The following COL4A3 variants were observed in gnomAD, a reference collection of about 807,000 sequenced individuals.
COL4A3 encodes collagen alpha-3(IV) chain.
COL4A3 carries 135 observed loss-of-function variants against 217.4 expected under a neutral mutation model. That is an observed-to-expected ratio of 0.62 (90% CI 0.54 to 0.72). The LOEUF (loss-of-function observed/expected upper bound fraction) is 0.72, where lower values mean the gene tolerates loss of function less well. Among genes scored for constraint, COL4A3 ranks in the 30% least tolerant of loss-of-function variants. The pLI is 0.00. For synonymous variants in COL4A3, 690 were observed against 736.3 expected (o/e 0.94, Z 1.02); for missense variants, 1,868 against 2,119.9 (o/e 0.88, Z 2.33).
intron 1 of COL4A3, among the ~76,000 whole-genome samples, chr2:227,195,004 C>G (rs2125713801): frequency 2.0e-5 from 3 of 152,026 alleles, no homozygotes; most frequent in African/African-American, 7.2e-5. Flanking sequence ...CTAAATAAAC[C>G]AATAATCTTG....
At chr2:227,262,406 T>C (rs1205495304) in intron 20 of COL4A3, among the ~76,000 whole-genome samples, 1 of 152,190 alleles carries the variant, frequency 6.6e-6, no homozygotes, top group Non-Finnish European at 1.5e-5. Context: ...TAGGATAGTT[T>C]TTTCTGTTTC....
chr2:227,304,183 T>C (rs542646581), intron 46 of COL4A3, 39 bp downstream of exon 46: 19 of 1,612,556 alleles, frequency 1.2e-5, no homozygotes, highest in South Asian at 9.9e-5. Context: ...CACTAGGAAG[T>C]GGTTGAACCA....
chr2:227,275,696 C>T (rs2071514383), intron 26 of COL4A3, among the ~76,000 whole-genome samples: 1 of 152,010 alleles, frequency 6.6e-6, no homozygotes, highest in African/African-American at 2.4e-5. Flanking sequence ...GCATTCTTTC[C>T]CCCGCGACAG....
chr2:227,247,870 C>A (rs1198364730), intron 8 of COL4A3, among the ~76,000 whole-genome samples: 4 of 152,120 alleles, frequency 2.6e-5, no homozygotes, highest in African/African-American at 9.7e-5. Flanking sequence ...CATTCTAGGG[C>A]AGGGATTGTC....
chr2:227,280,334 A>T, intron 29 of COL4A3, 106 bp from the exon 30 acceptor site: 2 of 1,252,538 alleles, frequency 1.6e-6, no homozygotes, highest in Non-Finnish European at 2.3e-6. Flanking sequence ...AGTTGATGAC[A>T]TGGTAGTGGC....
chr2:227,190,658 C>T lies in COL4A3; in HGVS notation c.87+25845C>T, dbSNP rs536362440. 1.1e-3 allele frequency among the ~76,000 whole-genome samples: 162 copies of T among 152,284 alleles called. 1 individual carries two copies. Among genetic ancestry groups the T allele is most frequent in the African/African-American group, 3.8e-3 (156 of 41,550 alleles). On this transcript the variant is annotated intron_variant, in intron 1 of 51. Coordinates refer to ENST00000396578, the MANE Select transcript of COL4A3 (RefSeq NM_000091.5). ...CTGGGCATCGTGGCTCTAATCCCAG[C>T]ACTTTGGGGAGGCCAAGGCAGGCAG...
chr2:227,270,171 G>A (rs1382550396), intron 24 of COL4A3, among the ~76,000 whole-genome samples, 191 bp downstream of exon 24: 2 of 152,164 alleles, frequency 1.3e-5, no homozygotes, highest in Non-Finnish European at 2.9e-5. Context: ...AGTTTGAAAT[G>A]GTATCAGAAA....
intron 1 of COL4A3, among the ~76,000 whole-genome samples, chr2:227,178,502 A>G (rs1449921805): frequency 6.6e-6 from 1 of 152,142 alleles, no homozygotes; most frequent in Non-Finnish European, 1.5e-5. Context: ...TTCTTAACAA[A>G]TGTCTGATTT....
intron 1 of COL4A3, among the ~76,000 whole-genome samples, chr2:227,180,874 TC>T (rs2065848252): frequency 6.6e-6 from 1 of 152,242 alleles, no homozygotes; most frequent in Admixed American, 6.5e-5. Context: ...AGTATCAACT[TC>T]CTGGAATGCA....
chr2:227,294,947 T>G lies in COL4A3; in HGVS notation c.3419-17T>G, dbSNP rs767880301. ...TACCATAGTTTGGGGTTTTTGGGTT[T>G]TTTTTTTTTTTTTCAGGTCTTCCAG... On this transcript the variant is annotated splice_polypyrimidine_tract_variant and intron_variant, in intron 39 of 51. Transcript: ENST00000396578. The G allele has an allele frequency of 1.9e-5, 23 of 1,194,006 alleles. No homozygotes were observed. In the East Asian group the frequency reaches 4.6e-4, roughly 24 times the overall value. The allele number at this position is 1,194,006 out of a possible 1,614,324, so 74.0% of individuals were successfully genotyped here. A position where few individuals can be genotyped will look rare whatever the true frequency, so the allele number is the denominator to read the frequency against.
intron 24 of COL4A3, 130 bp from the exon 25 acceptor site, chr2:227,270,640 T>C: frequency 1.2e-6 from 1 of 852,126 alleles, no homozygotes; most frequent in Non-Finnish European, 1.9e-6. Context: ...GTAATAATAG[T>C]TGTGGACCAA....
At chr2:227,284,048 C>G (rs1420953865) in intron 33 of COL4A3, among the ~76,000 whole-genome samples, 163 bp from the exon 34 acceptor site, 1 of 152,200 alleles carries the variant, frequency 6.6e-6, no homozygotes, top group African/African-American at 2.4e-5. Flanking sequence ...ACACCACTAC[C>G]CTTATGAGGC....
In COL4A3 at chr2:227,251,245, A is replaced by G. The variant is rs1249007265; in HGVS notation, c.609+43A>G. On this transcript the variant is annotated intron_variant, in intron 10 of 51. Transcript: ENST00000396578. ...CTTGCTACAGACTCTGTCAACTAAT[A>G]GATTCATTATTTATTATTAAAAAGT... 2.5e-6 allele frequency: 4 copies of G among 1,591,114 alleles called. No individual in the cohort carries two copies. The South Asian group carries it at 4.4e-5, about 18-fold the overall frequency.
At chr2:227,223,616 C>T (rs1157673889) in intron 1 of COL4A3, among the ~76,000 whole-genome samples, 1 of 151,888 alleles carries the variant, frequency 6.6e-6, no homozygotes, top group Non-Finnish European at 1.5e-5. Flanking sequence ...TGATTGTAAT[C>T]CCAGCTACTT....
intron 1 of COL4A3, among the ~76,000 whole-genome samples, chr2:227,173,709 T>C (rs954765892): frequency 6.6e-6 from 1 of 152,254 alleles, no homozygotes. Flanking sequence ...TGGATGAAAC[T>C]AATTTTAATA....
intron 20 of COL4A3, among the ~76,000 whole-genome samples, chr2:227,263,319 C>T (rs547982000): frequency 3.3e-5 from 5 of 152,202 alleles, no homozygotes; most frequent in South Asian, 2.1e-4. Flanking sequence ...CCACCAGGCA[C>T]GGCTCCTTTC....
At chr2:227,213,066 A>G (rs2067388120) in intron 1 of COL4A3, among the ~76,000 whole-genome samples, 2 of 152,240 alleles carry the variant, frequency 1.3e-5, no homozygotes. Flanking sequence ...TGTAAACATA[A>G]TAGCTACTTC....
rs996436251 is a variant in COL4A3 at position 227,284,082 on chromosome 2, T to C, written c.2747-129T>C. The stretch of plus-strand genomic sequence containing the variant: ...GCTGCCTGCCTGGGGAAACTATTTA[T>C]CAAGTTCTCAGCACTGTTAGCCTTT... On this transcript the variant is annotated intron_variant, in intron 33 of 51. Transcript: ENST00000396578. The C allele has an allele frequency of 5.4e-6, 7 of 1,296,216 alleles. No homozygotes were observed. In the African/African-American group the frequency reaches 5.9e-5, roughly 11 times the overall value. The allele number at this position is 1,296,216 out of a possible 1,614,324, so 80.3% of individuals were successfully genotyped here.
chr2:227,220,113 T>G (rs2067702943), intron 1 of COL4A3, among the ~76,000 whole-genome samples: 1 of 151,058 alleles, frequency 6.6e-6, no homozygotes, highest in African/African-American at 2.4e-5. Flanking sequence ...GGACCAGAGC[T>G]TCTTGTTTAA....
Sources: allele counts gnomAD v4.1 joint callset (sites outside exome capture counted in the v4.1 genomes callset), GRCh38; gene constraint gnomAD v4.1.1; transcripts MANE v1.5; gene names NCBI Gene and HGNC (gene_info 2026-07-23, HGNC 2026-07-21).